The following MAPKAPK3 variants were observed in gnomAD, a reference collection of about 807,000 sequenced individuals.
MAPKAPK3 encodes the protein MAPK activated protein kinase 3, also known as MAP kinase-activated protein kinase 3.
MAPKAPK3 carries 35 observed loss-of-function variants against 49.2 expected under a neutral mutation model. The observed-to-expected ratio is 0.71, with a 90% confidence interval of 0.54 to 0.94. The LOEUF (loss-of-function observed/expected upper bound fraction) is 0.94, where lower values mean the gene tolerates loss of function less well. Among genes scored for constraint, MAPKAPK3 ranks in the 40% least tolerant of loss-of-function variants. The pLI is 0.00. For missense variants in MAPKAPK3, 398 were observed against 493.1 expected (o/e 0.81, Z 1.83); for synonymous variants, 178 against 188.7 (o/e 0.94, Z 0.46).
chr3:50,644,238 G>C (rs2033238222), intron 5 of MAPKAPK3, among the ~76,000 whole-genome samples, 171 bp from the exon 6 acceptor site: 3 of 152,168 alleles, frequency 2.0e-5, no homozygotes. Flanking sequence ...TAGCACCTTG[G>C]GTTTCTCTAT....
intron 2 of MAPKAPK3, among the ~76,000 whole-genome samples, chr3:50,630,208 C>T (rs1223593782): frequency 6.6e-6 from 1 of 152,224 alleles, no homozygotes; most frequent in Non-Finnish European, 1.5e-5. Context: ...ACCAGTTTCC[C>T]AGGTGTAGAT....
rs756463941 is a variant in MAPKAPK3 at position 50,641,786 on chromosome 3, C to T, written c.424+15C>T. 2.5e-6 allele frequency: 4 copies of T among 1,612,326 alleles called. No homozygotes were observed. In the South Asian group the frequency reaches 3.3e-5, roughly 13 times the overall value. ...CACTGAGAGAGGTATGTGCATGTAGCTGGACCAGCAGGAGGATTCAGGGTG... is the reference window on the plus strand; with the variant it reads ...CACTGAGAGAGGTATGTGCATGTAGTTGGACCAGCAGGAGGATTCAGGGTG... On this transcript the variant is annotated intron_variant, in intron 4 of 10. Transcript: ENST00000621469.
chr3:50,647,509 G>C (rs868031223), intron 10 of MAPKAPK3, among the ~76,000 whole-genome samples: 11 of 152,244 alleles, frequency 7.2e-5, no homozygotes, highest in African/African-American at 2.2e-4. Context: ...ACCCAGCAGA[G>C]GCCACGTTTG....
At chr3:50,631,910 G>T (rs1432295255) in intron 2 of MAPKAPK3, among the ~76,000 whole-genome samples, 1 of 152,210 alleles carries the variant, frequency 6.6e-6, no homozygotes, top group African/African-American at 2.4e-5. Context: ...CTTTGCCTGA[G>T]GCTGGGATGA....
At chr3:50,611,809 G>A, upstream of MAPKAPK3, 7 of 977,550 alleles carry the variant, frequency 7.2e-6, no homozygotes, top group Non-Finnish European at 9.7e-6. Flanking sequence ...GCGAGGGCGA[G>A]GGGGGCGGGC....
At chr3:50,629,237 C>T (rs927863378) in intron 2 of MAPKAPK3, among the ~76,000 whole-genome samples, 5 of 152,140 alleles carry the variant, frequency 3.3e-5, no homozygotes, top group African/African-American at 1.2e-4. Flanking sequence ...GATATGAGAC[C>T]ATTTCCTGTG....
chr3:50,641,564 G>A, intron 3 of MAPKAPK3, 143 bp from the exon 4 acceptor site: 1 of 720,042 alleles, frequency 1.4e-6, no homozygotes, highest in South Asian at 1.6e-5. Context: ...GTTCTACAAG[G>A]GACAGGGAGG....
At chr3:50,616,166 A>G (rs2032459275), upstream of MAPKAPK3, among the ~76,000 whole-genome samples, 1 of 152,174 alleles carries the variant, frequency 6.6e-6, no homozygotes, top group African/African-American at 2.4e-5. Flanking sequence ...CCCAGTTCCA[A>G]GTGAGCCAGC....
At chr3:50,611,738 G>A, upstream of MAPKAPK3, 1 of 1,400,176 alleles carries the variant, frequency 7.1e-7, no homozygotes, top group South Asian at 1.6e-5. Flanking sequence ...CGCGTGCTGG[G>A]TAGGCTCCCG....
At chr3:50,622,404 C>A (rs563457417) in intron 2 of MAPKAPK3, among the ~76,000 whole-genome samples, 1 of 152,312 alleles carries the variant, frequency 6.6e-6, no homozygotes, top group African/African-American at 2.4e-5. Flanking sequence ...AAGACTCAGC[C>A]CCAGTGCCAC....
intron 2 of MAPKAPK3, among the ~76,000 whole-genome samples, chr3:50,622,934 A>G (rs2032645907): frequency 6.6e-6 from 1 of 152,244 alleles, no homozygotes; most frequent in African/African-American, 2.4e-5. Flanking sequence ...TCCAGAGCCC[A>G]GTACCCTGGA....
intron 4 of MAPKAPK3, 42 bp downstream of exon 4, chr3:50,641,813 G>C (rs6791880): frequency 6.4e-7 from 1 of 1,550,562 alleles, no homozygotes; most frequent in South Asian, 1.1e-5. Context: ...TTCAGGGTGA[G>C]AGGTATGGAC....
chr3:50,647,789 C>A, intron 10 of MAPKAPK3, 105 bp from the exon 11 acceptor site: 1 of 1,123,722 alleles, frequency 8.9e-7, no homozygotes, highest in Non-Finnish European at 1.3e-6. Flanking sequence ...ACAGAGGCAG[C>A]ACAGGCTGTC....
chr3:50,645,636 C>A (rs951933320), intron 6 of MAPKAPK3, 74 bp from the exon 7 acceptor site: 1 of 1,259,578 alleles, frequency 7.9e-7, no homozygotes, highest in Non-Finnish European at 1.2e-6. Context: ...CCCCACCTTG[C>A]CCAGGCTTTA....
chr3:50,647,279 A>G (rs2033326553), intron 10 of MAPKAPK3, 76 bp downstream of exon 10: 1 of 1,276,758 alleles, frequency 7.8e-7, no homozygotes, highest in Non-Finnish European at 1.1e-6. Flanking sequence ...GTGGCTACCC[A>G]GGGTCTGGGG....
Position 50,648,066 on chromosome 3 carries a change from G to A in MAPKAPK3, c.*20G>A. ...CAGTAGCTCATGGGGCCTTGGAGGA[G>A]CCTGGCCTCTCAGCCTGCATAACAG... On this transcript the variant is annotated 3_prime_UTR_variant, in exon 11 of 11. Coordinates refer to ENST00000621469, the MANE Select transcript of MAPKAPK3 (RefSeq NM_001243925.2). 2 of 1,606,546 alleles carry A rather than the reference G, an allele frequency of 1.2e-6. No individual in the cohort carries two copies. Among genetic ancestry groups the A allele is most frequent in the African/African-American group, 2.7e-5 (2 of 74,706 alleles).
chr3:50,614,799 C>T (rs1168909578), upstream of MAPKAPK3, among the ~76,000 whole-genome samples: 5 of 152,112 alleles, frequency 3.3e-5, no homozygotes, highest in Non-Finnish European at 7.4e-5. Flanking sequence ...CTCCGATGGA[C>T]CCATGTGGGG....
At position 50,642,315 on chromosome 3, in the gene MAPKAPK3, GC is replaced by G; in HGVS notation, c.490del (p.His164ThrfsTer91). 6.2e-7 allele frequency: 1 copy of G among 1,610,130 alleles called. No homozygotes were observed. On this transcript the variant is annotated frameshift_variant, in exon 5 of 11. Coordinates refer to ENST00000621469, the MANE Select transcript of MAPKAPK3 (RefSeq NM_001243925.2). LOFTEE classifies it high-confidence loss of function. ...AIQFLHSHNI[A>X]HRDVKPENLL... Reference sequence around the variant, plus strand: ...CCAGTTTCTGCACAGCCATAACATTGCCCACCGAGATGTCAAGGTGAGGCTC... The same window carrying G: ...CCAGTTTCTGCACAGCCATAACATTGCCACCGAGATGTCAAGGTGAGGCTC...
chr3:50,645,840 G>A, intron 7 of MAPKAPK3, 55 bp downstream of exon 7: 2 of 1,530,638 alleles, frequency 1.3e-6, no homozygotes, highest in Non-Finnish European at 1.8e-6. Context: ...CCCACTGTGA[G>A]CCCTCAGGAC....
Sources: allele counts gnomAD v4.1 joint callset (sites outside exome capture counted in the v4.1 genomes callset), GRCh38; gene constraint gnomAD v4.1.1; transcripts MANE v1.5; gene names NCBI Gene and HGNC (gene_info 2026-07-23, HGNC 2026-07-21).